Variants in LIMS1 observed in about 807,000 individuals in gnomAD.
The protein encoded by LIMS1 is LIM zinc finger domain containing 1.
A neutral mutation model predicts 44.1 loss-of-function variants in LIMS1; 18 were observed. That is an observed-to-expected ratio of 0.41 (90% CI 0.28 to 0.61). The LOEUF (loss-of-function observed/expected upper bound fraction) is 0.61, where lower values mean the gene tolerates loss of function less well. LIMS1 is among the 20% of genes least tolerant of loss of function. The pLI is 0.32. For missense variants in LIMS1, 201 were observed against 422.0 expected (o/e 0.48, Z 4.59); for synonymous variants, 93 against 149.1 (o/e 0.62, Z 2.74).
chr2:108,666,324 T>C (rs1691759056), intron 2 of LIMS1, among the ~76,000 whole-genome samples: 2 of 147,458 alleles, frequency 1.4e-5, no homozygotes, highest in South Asian at 4.4e-4. Flanking sequence ...ATTATGTTTA[T>C]TTGTTTGTTT....
intron 1 of LIMS1, among the ~76,000 whole-genome samples, chr2:108,605,140 G>A (rs893404): frequency 0.029 from 4,451 of 152,242 alleles, 146 homozygotes; most frequent in South Asian, 0.14. Context: ...GGGATTGCCT[G>A]GAATCATTTC....
chr2:108,566,249 A>G (rs1685284697), intron 1 of LIMS1, among the ~76,000 whole-genome samples: 1 of 152,280 alleles, frequency 6.6e-6, no homozygotes, highest in Non-Finnish European at 1.5e-5. Flanking sequence ...CTGGCATATC[A>G]CGCAGAGCAG....
chr2:108,572,861 C>T (rs1685530880), intron 1 of LIMS1, among the ~76,000 whole-genome samples: 1 of 152,134 alleles, frequency 6.6e-6, no homozygotes, highest in Non-Finnish European at 1.5e-5. Flanking sequence ...CCTGCCTCCC[C>T]ACCCTTCTGT....
chr2:108,553,689 A>T (rs1684832843), intron 1 of LIMS1, among the ~76,000 whole-genome samples: 3 of 152,204 alleles, frequency 2.0e-5, no homozygotes, highest in African/African-American at 7.2e-5. Context: ...GCAGGCTAGT[A>T]CAGACCCAGA....
chr2:108,673,165 G>A, intron 5 of LIMS1, 136 bp downstream of exon 5: 1 of 1,325,586 alleles, frequency 7.5e-7, no homozygotes, highest in Non-Finnish European at 1.0e-6. Context: ...CTATAGACGA[G>A]TCAAGAGAAT....
intron 1 of LIMS1, among the ~76,000 whole-genome samples, chr2:108,581,332 A>T (rs1426596810): frequency 6.6e-6 from 1 of 152,218 alleles, no homozygotes; most frequent in East Asian, 1.9e-4. Context: ...GGGCTTTCCA[A>T]CAAGGTACCT....
chr2:108,538,751 G>C (rs1394032196), intron 1 of LIMS1, among the ~76,000 whole-genome samples: 2 of 152,168 alleles, frequency 1.3e-5, no homozygotes, highest in Non-Finnish European at 2.9e-5. Context: ...CCATTTTTGA[G>C]TGTACAGTTC....
intron 1 of LIMS1, chr2:108,659,069 T>G: frequency 1.8e-6 from 1 of 568,368 alleles, no homozygotes; most frequent in Non-Finnish European, 2.2e-6. Flanking sequence ...GTAACAGGAC[T>G]GGGGCATCTT....
chr2:108,590,543 G>A (rs1017619329), intron 1 of LIMS1, among the ~76,000 whole-genome samples: 4 of 152,226 alleles, frequency 2.6e-5, no homozygotes, highest in Admixed American at 2.6e-4. Flanking sequence ...GCCATCACAG[G>A]TAGTGTCAAG....
chr2:108,593,230 TG>T (rs139328597), intron 1 of LIMS1, among the ~76,000 whole-genome samples: 3,819 of 152,324 alleles, frequency 0.025, 101 homozygotes, highest in African/African-American at 0.064. Context: ...GATAGTCTCA[TG>T]GTTTTTCTCT....
At chr2:108,632,328 A>G (rs1348189027) in intron 1 of LIMS1, among the ~76,000 whole-genome samples, 2 of 152,128 alleles carry the variant, frequency 1.3e-5, no homozygotes, top group Admixed American at 6.6e-5. Flanking sequence ...CAGAAAGTTA[A>G]TTGCTTTTTA....
intron 1 of LIMS1, among the ~76,000 whole-genome samples, chr2:108,544,418 T>C (rs1051494065): frequency 6.6e-6 from 1 of 152,210 alleles, no homozygotes; most frequent in African/African-American, 2.4e-5. Context: ...TTTTTTATTA[T>C]GGAGGATTTC....
intron 1 of LIMS1, among the ~76,000 whole-genome samples, chr2:108,618,678 A>G (rs1462140031): frequency 6.6e-6 from 1 of 152,080 alleles, no homozygotes; most frequent in Non-Finnish European, 1.5e-5. Flanking sequence ...ACAAAAAATT[A>G]GCCAGGCGTG....
intron 1 of LIMS1, among the ~76,000 whole-genome samples, chr2:108,596,915 G>GTTTTTTTTTTTTTTTTTTTTT (rs34313967): frequency 1.5e-5 from 1 of 68,444 alleles, no homozygotes; most frequent in Non-Finnish European, 2.7e-5. Context: ...CGAAACATCT[G>GTTTTTTTTTTTTTTTTTTTTT]TTTTTTTTTT....
intron 1 of LIMS1, among the ~76,000 whole-genome samples, chr2:108,611,959 TATATATACACATATATAAA>T (rs1267813621): frequency 7.3e-6 from 1 of 137,908 alleles, no homozygotes; most frequent in Non-Finnish European, 1.5e-5. Flanking sequence ...ATACATATAT[TATATATACACATATATAAA>T]ATATATATAC....
At position 108,612,027 on chromosome 2, in the gene LIMS1, T is replaced by TAC. The variant is rs1171142390; in HGVS notation, c.33-47577_33-47576insCA. On this transcript the variant is annotated intron_variant, in intron 1 of 9. Transcript: ENST00000544547. ...ACACACATATATATATACACACACATATACACACACACACACACACACACA... is the reference window on the plus strand; with the variant it reads ...ACACACATATATATATACACACACATACATACACACACACACACACACACACA... 2.1e-3 allele frequency among the ~76,000 whole-genome samples: 121 copies of TAC among 57,684 alleles called. 2 individuals carry two copies. In the East Asian group the frequency reaches 0.14, roughly 67 times the overall value. The allele number at this position is 57,684 out of a possible 152,430, so 37.8% of individuals were successfully genotyped here.
chr2:108,610,513 G>A (rs569589094), intron 1 of LIMS1, among the ~76,000 whole-genome samples: 1 of 152,162 alleles, frequency 6.6e-6, no homozygotes, highest in East Asian at 1.9e-4. Flanking sequence ...AAATACCTCA[G>A]GGCTGGTCCC....
At chr2:108,682,821 C>T (rs1056482196) in intron 9 of LIMS1, among the ~76,000 whole-genome samples, 4 of 152,044 alleles carry the variant, frequency 2.6e-5, no homozygotes, top group Non-Finnish European at 5.9e-5. Flanking sequence ...TCATAGATAG[C>T]AATATACCAC....
intron 1 of LIMS1, among the ~76,000 whole-genome samples, chr2:108,591,383 T>C (rs1296274825): frequency 6.6e-6 from 1 of 152,060 alleles, no homozygotes; most frequent in African/African-American, 2.4e-5. Context: ...GAGTCTGAAG[T>C]CTCATTGATA....
Sources: allele counts gnomAD v4.1 joint callset (sites outside exome capture counted in the v4.1 genomes callset), GRCh38; gene constraint gnomAD v4.1.1; transcripts MANE v1.5; gene names NCBI Gene and HGNC (gene_info 2026-07-23, HGNC 2026-07-21).